The following OAS1 variants were observed in gnomAD, a reference collection of about 807,000 sequenced individuals.
OAS1 encodes the protein 2'-5'-oligoadenylate synthetase 1.
Under a neutral mutation model 38.5 loss-of-function variants are expected in OAS1, and 24 were observed. The observed-to-expected ratio is 0.62, with a 90% CI of 0.45 to 0.88. The LOEUF is 0.88. Ranked by LOEUF, OAS1 falls within the 40% of genes least tolerant of loss-of-function variation. OAS1 has a pLI of 0.00. For missense variants in OAS1, 482 were observed against 493.9 expected (o/e 0.98, Z 0.23); for synonymous variants, 169 against 193.9 (o/e 0.87, Z 1.07).
Position 112,919,899 on chromosome 12 carries a change from T to C in OAS1, c.*346T>C. ...TCAATAACAATAAAAATAAAGCAAA[T>C]ACCATTTATTGGGTGTTTATTAACT... On this transcript the variant is annotated 3_prime_UTR_variant, in exon 6 of 6. Transcript: ENST00000202917. 1.6e-6 allele frequency: 1 copy of C among 640,672 alleles called. No individual in the cohort carries two copies. 39.7% of individuals were successfully genotyped at this position (640,672 alleles called of 1,614,324 possible). A position where few individuals can be genotyped will look rare whatever the true frequency, so the allele number is the denominator to read the frequency against.
At chr12:112,922,212 G>A (rs1350700730), downstream of OAS1, among the ~76,000 whole-genome samples, 1 of 152,146 alleles carries the variant, frequency 6.6e-6, no homozygotes, top group Non-Finnish European at 1.5e-5. Context: ...ATGCTATGGT[G>A]TCACAGCATC....
chr12:112,911,148 C>T lies in OAS1; in HGVS notation c.567C>T (p.Cys189=). Residue 189 remains cysteine (C), a synonymous_variant, in exon 3 of 6, where the codon TGC becomes TGT. Coordinates refer to ENST00000202917, the MANE Select transcript of OAS1 (RefSeq NM_016816.4). Reference sequence around the variant, plus strand: ...AGAAAGAGGGCGAGTTCTCCACCTGCTTCACAGAACTACAGAGAGACTTCC... The same window carrying T: ...AGAAAGAGGGCGAGTTCTCCACCTGTTTCACAGAACTACAGAGAGACTTCC... ...DLQKEGEFST[C]FTELQRDFLK... 6.2e-7 allele frequency: 1 copy of T among 1,614,102 alleles called. No individual in the cohort carries two copies. Among genetic ancestry groups the T allele is most frequent in the Non-Finnish European group, 8.5e-7 (1 of 1,180,010 alleles).
intron 3 of OAS1, among the ~76,000 whole-genome samples, chr12:112,914,846 C>T (rs531846040): frequency 1.5e-4 from 23 of 151,566 alleles, no homozygotes; most frequent in South Asian, 1.3e-3. Context: ...CCCATTAACC[C>T]GTCATTTAGC....
In OAS1 at chr12:112,919,884, T is replaced by C; in HGVS notation, c.*331T>C. The C allele has an allele frequency of 2.6e-6, 2 of 756,236 alleles. No individual in the cohort carries two copies. The highest frequency in any genetic ancestry group is 2.8e-5 in the East Asian group (1 of 36,064). The allele number at this position is 756,236 out of a possible 1,614,324, so 46.8% of individuals were successfully genotyped here. On this transcript the variant is annotated 3_prime_UTR_variant, in exon 6 of 6. Coordinates refer to ENST00000202917, the MANE Select transcript of OAS1 (RefSeq NM_016816.4). ...ATGTCTAATGTATTATCAATAACAATAAAAATAAAGCAAATACCATTTATT... is the reference window on the plus strand; with the variant it reads ...ATGTCTAATGTATTATCAATAACAACAAAAATAAAGCAAATACCATTTATT...
At chr12:112,933,205 CT>C (rs1457183571), downstream of OAS1, 1 of 152,142 alleles carries the variant, frequency 6.6e-6, no homozygotes, top group Non-Finnish European at 1.5e-5. Context: ...TAAATAAAAT[CT>C]TTTTTGAAAA....
chr12:112,931,816 G>A, intron 6 of OAS1: 1 of 639,982 alleles, frequency 1.6e-6, no homozygotes, highest in Non-Finnish European at 2.8e-6. Flanking sequence ...TCTCACTGAT[G>A]CTCTCTGGGC....
chr12:112,931,957 G>A (rs1276664149), exon 7 of OAS1: 2 of 701,968 alleles, frequency 2.8e-6, no homozygotes, highest in East Asian at 5.4e-5. Flanking sequence ...GACAAGAGGA[G>A]CCTCATTATC....
intron 3 of OAS1, among the ~76,000 whole-genome samples, chr12:112,916,022 C>T (rs1427429342): frequency 1.3e-5 from 2 of 152,098 alleles, no homozygotes; most frequent in African/African-American, 2.4e-5. Flanking sequence ...TATATTCCTC[C>T]AGAAAGAATT....
downstream of OAS1, among the ~76,000 whole-genome samples, chr12:112,920,529 A>G (rs2043522596): frequency 6.6e-6 from 1 of 152,226 alleles, no homozygotes; most frequent in Admixed American, 6.5e-5. Flanking sequence ...AAAATGTGAA[A>G]TCATACATGT....
chr12:112,907,134 A>C lies in OAS1; in HGVS notation c.95A>C (p.His32Pro). The change falls in exon 1 of 6, where the codon CAT becomes CCT. Residue 32 changes from histidine to proline, a missense_variant. Physicochemically the swap from His to Pro is moderately conservative, Grantham distance 77. Transcript: ENST00000202917. Reference sequence around the variant, plus strand: ...ACGTGTTTCCGCATGCAAATCAACCATGCCATTGACATCATCTGTGGGTTC... The same window carrying C: ...ACGTGTTTCCGCATGCAAATCAACCCTGCCATTGACATCATCTGTGGGTTC... The part of the protein sequence containing the change: ...PDTCFRMQIN[H>P]AIDIICGFLK... 6.2e-7 allele frequency: 1 copy of C among 1,614,174 alleles called. No individual in the cohort carries two copies. The highest frequency in any genetic ancestry group is 1.6e-4 in the Middle Eastern group (1 of 6,062).
intron 6 of OAS1, among the ~76,000 whole-genome samples, chr12:112,929,639 C>T (rs1226648229): frequency 6.6e-6 from 1 of 152,154 alleles, no homozygotes; most frequent in Admixed American, 6.5e-5. Context: ...GAGGTAGGTG[C>T]TATTAACATC....
Position 112,914,672 on chromosome 12 carries a change from T to G in OAS1, c.655-1837T>G, listed in dbSNP as rs537566369. On this transcript the variant is annotated intron_variant, in intron 3 of 5. Coordinates refer to ENST00000202917, the MANE Select transcript of OAS1 (RefSeq NM_016816.4). ...GGTGGTATCACATTGTGGTTTTGAT[T>G]TGCATTTCCCTGATAATTAGGGATG... Among the ~76,000 whole-genome samples the G allele has an allele frequency of 2.3e-3, 343 of 152,204 alleles. 1 individual carries two copies. Among genetic ancestry groups the G allele is most frequent in the African/African-American group, 8.0e-3 (333 of 41,548 alleles).
At chr12:112,908,854 C>G (rs1486304256) in intron 2 of OAS1, 30 bp downstream of exon 2, 1 of 1,539,066 alleles carries the variant, frequency 6.5e-7, no homozygotes, top group Non-Finnish European at 8.7e-7. Context: ...TTTTCTCCCT[C>G]TTCCCATTTC....
chr12:112,929,231 G>A (rs1455940442), intron 6 of OAS1, among the ~76,000 whole-genome samples: 1 of 152,212 alleles, frequency 6.6e-6, no homozygotes, highest in Non-Finnish European at 1.5e-5. Context: ...TTGGGTGTAA[G>A]GCAGACCTCA....
At position 112,919,586 on chromosome 12, in the gene OAS1, T is replaced by A; in HGVS notation, c.*33T>A. The A allele has an allele frequency of 6.2e-7, 1 of 1,614,136 alleles. No homozygotes were observed. The highest frequency in any genetic ancestry group is 8.5e-7 in the Non-Finnish European group (1 of 1,180,000). On this transcript the variant is annotated 3_prime_UTR_variant, in exon 6 of 6. Coordinates refer to ENST00000202917, the MANE Select transcript of OAS1 (RefSeq NM_016816.4). The stretch of plus-strand genomic sequence containing the variant: ...TGCATCTTGGGGGAAAGGGCTCCAG[T>A]GTTATCTGGACCAGTTCCTTCATTT...
intron 4 of OAS1, 77 bp downstream of exon 4, chr12:112,916,815 G>C (rs748608710): frequency 3.7e-6 from 4 of 1,092,842 alleles, no homozygotes; most frequent in Non-Finnish European, 5.6e-6. Flanking sequence ...TGGAAATGGA[G>C]GAGGTGGGAG....
intron 6 of OAS1, among the ~76,000 whole-genome samples, chr12:112,925,270 C>T (rs1031694429): frequency 2.6e-5 from 4 of 152,058 alleles, no homozygotes; most frequent in East Asian, 3.9e-4. Flanking sequence ...TGAGGCCCTG[C>T]GTGAACTCTC....
At chr12:112,927,505 A>G (rs1257773026) in intron 6 of OAS1, among the ~76,000 whole-genome samples, 2 of 152,204 alleles carry the variant, frequency 1.3e-5, no homozygotes, top group Non-Finnish European at 2.9e-5. Flanking sequence ...GTTTGGCCAT[A>G]GGAGACTTCT....
At chr12:112,916,251 G>A (rs2043452628) in intron 3 of OAS1, among the ~76,000 whole-genome samples, 1 of 152,188 alleles carries the variant, frequency 6.6e-6, no homozygotes, top group African/African-American at 2.4e-5. Flanking sequence ...CAAGGGGCCA[G>A]TACACTTTTT....
Sources: allele counts gnomAD v4.1 joint callset (sites outside exome capture counted in the v4.1 genomes callset), GRCh38; gene constraint gnomAD v4.1.1; transcripts MANE v1.5; gene names NCBI Gene and HGNC (gene_info 2026-07-23, HGNC 2026-07-21).